The following PRKCE variants were observed in gnomAD, a reference collection of about 807,000 sequenced individuals.
PRKCE encodes the protein protein kinase C epsilon type.
Under a neutral mutation model 85.4 loss-of-function variants are expected in PRKCE, and 16 were observed. The ratio of observed to expected loss-of-function variants is 0.19; its 90% CI spans 0.13 to 0.28. The LOEUF is 0.28. PRKCE is among the 10% of genes least tolerant of loss of function. PRKCE has a pLI of 1.00. For missense variants in PRKCE, 573 were observed against 975.2 expected, an observed-to-expected ratio of 0.59 and a Z score of 5.49; for synonymous variants, 388 against 371.5, an observed-to-expected ratio of 1.04 and a Z score of -0.51.
At chr2:45,753,824 A>G (rs1683781529) in intron 1 of PRKCE, among the ~76,000 whole-genome samples, 1 of 152,168 alleles carries the variant, frequency 6.6e-6, no homozygotes, top group African/African-American at 2.4e-5. Flanking sequence ...ATTCCCCTCC[A>G]GGCATCCTAA....
At chr2:46,056,633 C>G (rs1319715571) in intron 10 of PRKCE, among the ~76,000 whole-genome samples, 1 of 152,192 alleles carries the variant, frequency 6.6e-6, no homozygotes, top group Non-Finnish European at 1.5e-5. Flanking sequence ...ACAAGCTTTA[C>G]TCTGCCTCAT....
At chr2:45,897,245 G>T (rs986020558) in intron 2 of PRKCE, among the ~76,000 whole-genome samples, 1 of 151,570 alleles carries the variant, frequency 6.6e-6, no homozygotes, top group Non-Finnish European at 1.5e-5. Flanking sequence ...TCCATCTATC[G>T]GCCCGTCCAT....
intron 1 of PRKCE, among the ~76,000 whole-genome samples, chr2:45,665,515 G>A (rs1253294023): frequency 6.6e-6 from 1 of 152,204 alleles, no homozygotes; most frequent in Admixed American, 6.5e-5. Flanking sequence ...GCAACTGTGA[G>A]CTTCTGCAGA....
intron 5 of PRKCE, among the ~76,000 whole-genome samples, chr2:45,980,817 C>A (rs1366375022): frequency 6.6e-6 from 1 of 152,176 alleles, no homozygotes; most frequent in Non-Finnish European, 1.5e-5. Context: ...TAGGAGGCGG[C>A]AACAACCACG....
At chr2:45,998,485 G>T (rs1326653314) in intron 6 of PRKCE, among the ~76,000 whole-genome samples, 3 of 152,044 alleles carry the variant, frequency 2.0e-5, no homozygotes, top group South Asian at 4.1e-4. Flanking sequence ...GCTTTTTTGG[G>T]TTTAGTGTTA....
rs570793525 is a variant in PRKCE at position 45,702,981 on chromosome 2, A to G, written c.348+50533A>G. Among the ~76,000 whole-genome samples, 11 of 151,924 alleles carry G rather than the reference A, an allele frequency of 7.2e-5. No homozygotes were observed. The South Asian group carries it at 2.1e-3, about 29-fold the overall frequency. On this transcript the variant is annotated intron_variant, in intron 1 of 14. Transcript: ENST00000306156. The stretch of plus-strand genomic sequence containing the variant: ...ATAGCTAACAGCCTCGGCAGATAAC[A>G]GCCTTTCCTATTATCAAGTTTTCTT...
intron 2 of PRKCE, among the ~76,000 whole-genome samples, chr2:45,862,090 T>G (rs1693204162): frequency 6.6e-6 from 1 of 152,106 alleles, no homozygotes; most frequent in Admixed American, 6.5e-5. Flanking sequence ...TTAACATTTT[T>G]GCTGTGAGTT....
chr2:45,725,570 C>T (rs570385194), intron 1 of PRKCE, among the ~76,000 whole-genome samples: 5 of 152,194 alleles, frequency 3.3e-5, no homozygotes, highest in Non-Finnish European at 5.9e-5. Context: ...AGAACACTCA[C>T]ATCTGTAATC....
intron 1 of PRKCE, among the ~76,000 whole-genome samples, chr2:45,688,107 T>C (rs935361033): frequency 2.0e-5 from 3 of 152,186 alleles, no homozygotes; most frequent in Non-Finnish European, 2.9e-5. Context: ...TTGACAACAT[T>C]ATGTTCACAC....
At chr2:45,966,550 T>A (rs1701741944) in intron 2 of PRKCE, among the ~76,000 whole-genome samples, 1 of 152,214 alleles carries the variant, frequency 6.6e-6, no homozygotes, top group Non-Finnish European at 1.5e-5. Flanking sequence ...TTTCTTTGTG[T>A]TGTAAAATTA....
At chr2:46,182,570 C>G (rs1680103367) in intron 14 of PRKCE, among the ~76,000 whole-genome samples, 2 of 152,292 alleles carry the variant, frequency 1.3e-5, no homozygotes, top group South Asian at 4.1e-4. Flanking sequence ...CCCCCCCTTC[C>G]CCCTTCCAAG....
intron 11 of PRKCE, among the ~76,000 whole-genome samples, chr2:46,117,144 T>C (rs1194772452): frequency 6.6e-6 from 1 of 151,928 alleles, no homozygotes; most frequent in African/African-American, 2.4e-5. Context: ...ACCAGAGGGG[T>C]GGGAGTTTCT....
At chr2:45,816,466 A>G (rs1239310505) in intron 1 of PRKCE, among the ~76,000 whole-genome samples, 2 of 152,062 alleles carry the variant, frequency 1.3e-5, no homozygotes, top group East Asian at 3.8e-4. Context: ...ATAACTTGGC[A>G]CCTCACCATC....
At chr2:45,976,704 C>T (rs1702477627) in intron 3 of PRKCE, 116 bp downstream of exon 3, 5 of 1,252,550 alleles carry the variant, frequency 4.0e-6, no homozygotes, top group Non-Finnish European at 5.6e-6. Flanking sequence ...TCGTTTCTTC[C>T]TTATCTGAAT....
At chr2:46,104,673 C>T (rs556355513) in intron 11 of PRKCE, among the ~76,000 whole-genome samples, 2 of 152,204 alleles carry the variant, frequency 1.3e-5, no homozygotes, top group African/African-American at 4.8e-5. Context: ...TTATGAGGTT[C>T]CAGATGGCCA....
intron 11 of PRKCE, among the ~76,000 whole-genome samples, chr2:46,123,003 A>G (rs1488891535): frequency 1.3e-5 from 2 of 150,956 alleles, no homozygotes; most frequent in African/African-American, 4.9e-5. Flanking sequence ...CCTCCCTGGT[A>G]AAATCTGAGG....
rs577384565 is a variant in PRKCE, at chr2:45,660,071, A to C, written c.348+7623A>C. ...TGGCACATTGTTGAATGAATGAATGAATGAATGAACACAAAACAAGTGTGT... is the reference window on the plus strand; with the variant it reads ...TGGCACATTGTTGAATGAATGAATGCATGAATGAACACAAAACAAGTGTGT... On this transcript the variant is annotated intron_variant, in intron 1 of 14. Transcript: ENST00000306156. 1.8e-4 allele frequency among the ~76,000 whole-genome samples: 28 copies of C among 152,348 alleles called. 1 individual carries two copies. The highest frequency in any genetic ancestry group is 1.7e-3 in the East Asian group (9 of 5,192).
chr2:46,100,607 C>T (rs1208143481), intron 11 of PRKCE, among the ~76,000 whole-genome samples: 1 of 152,210 alleles, frequency 6.6e-6, no homozygotes, highest in African/African-American at 2.4e-5. Flanking sequence ...GAAATCTGCT[C>T]ATGCAAAAGC....
At chr2:45,964,758 G>A (rs1701620683) in intron 2 of PRKCE, among the ~76,000 whole-genome samples, 1 of 152,214 alleles carries the variant, frequency 6.6e-6, no homozygotes, top group South Asian at 2.1e-4. Context: ...GGGGCAGTGA[G>A]ATTGGGGTTT....
Sources: allele counts gnomAD v4.1 joint callset (sites outside exome capture counted in the v4.1 genomes callset), GRCh38; gene constraint gnomAD v4.1.1; transcripts MANE v1.5; gene names NCBI Gene and HGNC (gene_info 2026-07-23, HGNC 2026-07-21).